LDB2: variants seen among roughly 807,000 people sequenced by gnomAD.
The protein encoded by LDB2 is LIM domain-binding protein 2.
In LDB2, 12 loss-of-function variants were observed where a neutral mutation model predicts 44.3. That is an observed-to-expected ratio of 0.27 (90% CI 0.17 to 0.44). The LOEUF is 0.44. Ranked by LOEUF, LDB2 falls within the 20% of genes least tolerant of loss-of-function variation. LDB2 has a pLI of 1.00. For synonymous variants in LDB2, 164 were observed against 174.8 expected (o/e 0.94, Z 0.49); for missense variants, 344 against 473.5 (o/e 0.73, Z 2.54).
chr4:16,652,719 G>A (rs900851517), intron 2 of LDB2, among the ~76,000 whole-genome samples: 1 of 152,204 alleles, frequency 6.6e-6, no homozygotes, highest in South Asian at 2.1e-4. Context: ...TACACCAGGT[G>A]TGAAGCCGCA....
intron 2 of LDB2, among the ~76,000 whole-genome samples, chr4:16,686,393 G>A (rs1311033410): frequency 6.6e-6 from 1 of 152,194 alleles, no homozygotes; most frequent in Non-Finnish European, 1.5e-5. Context: ...TCTTACTGAT[G>A]CAGAGGCTGA....
chr4:16,524,917 C>T (rs965650636), intron 5 of LDB2, among the ~76,000 whole-genome samples: 1 of 152,186 alleles, frequency 6.6e-6, no homozygotes, highest in Non-Finnish European at 1.5e-5. Context: ...ATTGGTTATT[C>T]TTCCCAGGGA....
chr4:16,643,192 G>T (rs1699110730), intron 2 of LDB2, among the ~76,000 whole-genome samples: 1 of 150,030 alleles, frequency 6.7e-6, no homozygotes, highest in Admixed American at 6.6e-5. Context: ...GTGGGATGGG[G>T]TGGGGGGGGC....
At chr4:16,526,621 A>G (rs966009896) in intron 5 of LDB2, among the ~76,000 whole-genome samples, 2 of 152,206 alleles carry the variant, frequency 1.3e-5, no homozygotes, top group African/African-American at 2.4e-5. Context: ...TATAAGTGGA[A>G]GAAGGATTCA....
intron 1 of LDB2, among the ~76,000 whole-genome samples, chr4:16,811,120 G>T (rs1203999668): frequency 1.3e-5 from 2 of 152,262 alleles, no homozygotes; most frequent in Non-Finnish European, 2.9e-5. Flanking sequence ...ATGGCCCGGG[G>T]GTTAAGGACC....
chr4:16,883,312 T>A (rs191194619), intron 1 of LDB2, among the ~76,000 whole-genome samples: 2 of 152,238 alleles, frequency 1.3e-5, no homozygotes, highest in Admixed American at 6.5e-5. Flanking sequence ...GAGAGAACCT[T>A]GGTGTTCATA....
chr4:16,505,745 G>T, intron 7 of LDB2: 1 of 1,306,470 alleles, frequency 7.7e-7, no homozygotes, highest in Non-Finnish European at 1.0e-6. Flanking sequence ...CTCCCCACAA[G>T]GCCAACTTCT....
At chr4:16,685,410 T>G (rs1041545296) in intron 2 of LDB2, among the ~76,000 whole-genome samples, 5 of 152,200 alleles carry the variant, frequency 3.3e-5, no homozygotes, top group African/African-American at 9.7e-5. Context: ...TTTTTTGTTT[T>G]GTTTTGTTTT....
At chr4:16,726,426 C>A (rs1759474104) in intron 2 of LDB2, 1 of 152,176 alleles carries the variant, frequency 6.6e-6, no homozygotes, top group Non-Finnish European at 1.5e-5. Context: ...CAGGCAGGTG[C>A]TCTATCCTCA....
rs116092678 is a variant in LDB2, at chr4:16,682,665, G to A, written c.235+76493C>T. 2.5e-4 allele frequency among the ~76,000 whole-genome samples: 38 copies of A among 152,168 alleles called. No individual in the cohort carries two copies. In the East Asian group the frequency reaches 3.7e-3, roughly 15 times the overall value. On this transcript the variant is annotated intron_variant, in intron 2 of 7. Coordinates refer to ENST00000304523, the MANE Select transcript of LDB2 (RefSeq NM_001290.5). ...GCTCAGCTTAGCACCTCCCTTCTTC[G>A]TTCCCCAGAGGTCAACTTAGCTCCT...
chr4:16,642,296 A>G (rs1393223964), intron 2 of LDB2, among the ~76,000 whole-genome samples: 2 of 152,208 alleles, frequency 1.3e-5, no homozygotes, highest in Non-Finnish European at 2.9e-5. Context: ...AGAACTGTAT[A>G]GTAACTATGA....
intron 5 of LDB2, among the ~76,000 whole-genome samples, chr4:16,517,181 G>C (rs1468818035): frequency 6.6e-6 from 1 of 152,160 alleles, no homozygotes; most frequent in Non-Finnish European, 1.5e-5. Flanking sequence ...AAGAGAATCT[G>C]GTGAAGGCTA....
chr4:16,538,706 A>G (rs777347921), intron 5 of LDB2, among the ~76,000 whole-genome samples: 14 of 152,208 alleles, frequency 9.2e-5, no homozygotes, highest in Non-Finnish European at 1.6e-4. Flanking sequence ...AAGTAATACC[A>G]TCATAAGACT....
At chr4:16,598,901 C>T (rs553942863) in intron 2 of LDB2, among the ~76,000 whole-genome samples, 3 of 144,712 alleles carry the variant, frequency 2.1e-5, no homozygotes, top group East Asian at 4.1e-4. Context: ...TTTAAATTGG[C>T]TCAAGCTAGT....
At chr4:16,667,068 C>T (rs1743460245) in intron 2 of LDB2, among the ~76,000 whole-genome samples, 1 of 152,094 alleles carries the variant, frequency 6.6e-6, no homozygotes, top group East Asian at 1.9e-4. Flanking sequence ...GCCACCTGAA[C>T]CTTATATATT....
chr4:16,723,455 C>T (rs1358479985), intron 2 of LDB2, among the ~76,000 whole-genome samples: 2 of 152,162 alleles, frequency 1.3e-5, no homozygotes, highest in African/African-American at 4.8e-5. Flanking sequence ...GGTGAGGGTA[C>T]AGCCCCTGTG....
At chr4:16,891,858 A>G (rs2110522214) in intron 1 of LDB2, among the ~76,000 whole-genome samples, 1 of 152,346 alleles carries the variant, frequency 6.6e-6, no homozygotes, top group Non-Finnish European at 1.5e-5. Context: ...AGGTAAAACT[A>G]GATTCCTAGC....
intron 2 of LDB2, among the ~76,000 whole-genome samples, chr4:16,676,857 T>C (rs1578699019): frequency 6.6e-6 from 1 of 152,220 alleles, no homozygotes; most frequent in Middle Eastern, 3.4e-3. Flanking sequence ...AGTTTAGGCA[T>C]TGAAGATGAG....
At chr4:16,735,343 C>G (rs1687081026) in intron 2 of LDB2, among the ~76,000 whole-genome samples, 1 of 151,938 alleles carries the variant, frequency 6.6e-6, no homozygotes. Flanking sequence ...AGGCTGCGTT[C>G]TCCTCCCTTC....
Sources: allele counts gnomAD v4.1 joint callset (sites outside exome capture counted in the v4.1 genomes callset), GRCh38; gene constraint gnomAD v4.1.1; transcripts MANE v1.5; gene names NCBI Gene and HGNC (gene_info 2026-07-23, HGNC 2026-07-21).